The following FCHSD2 variants were observed in gnomAD, a reference collection of about 807,000 sequenced individuals.
FCHSD2 encodes the protein FCH and double SH3 domains 2.
In FCHSD2, 38 loss-of-function variants were observed where a neutral mutation model predicts 108.1. That is an observed-to-expected ratio of 0.35 (90% CI 0.27 to 0.46). The LOEUF (loss-of-function observed/expected upper bound fraction) is 0.46, where lower values mean the gene tolerates loss of function less well. Ranked by LOEUF, FCHSD2 falls within the 20% of genes least tolerant of loss-of-function variation. The pLI is 1.00. For synonymous variants in FCHSD2, 279 were observed against 314.7 expected (o/e 0.89, Z 1.20); for missense variants, 751 against 897.8 (o/e 0.84, Z 2.09).
intron 2 of FCHSD2, among the ~76,000 whole-genome samples, chr11:73,128,124 A>G (rs1860903405): frequency 6.6e-6 from 1 of 152,156 alleles, no homozygotes. Flanking sequence ...GGAGAATCCT[A>G]AGAGGCCAAA....
intron 3 of FCHSD2, among the ~76,000 whole-genome samples, chr11:73,072,311 A>G (rs1447809848): frequency 6.6e-6 from 1 of 152,094 alleles, no homozygotes; most frequent in Non-Finnish European, 1.5e-5. Context: ...CCGAATAGCC[A>G]TGAAAAAGTG....
chr11:72,898,822 C>T lies in FCHSD2; in HGVS notation c.924+3721G>A, dbSNP rs118185214. Among the ~76,000 whole-genome samples the T allele has an allele frequency of 6.8e-3, 1,037 of 151,928 alleles. 5 individuals are homozygous for T. The highest frequency in any genetic ancestry group is 0.014 in the South Asian group (66 of 4,812). On this transcript the variant is annotated intron_variant, in intron 10 of 19. Transcript: ENST00000409418. ...ACGGCTCATTGCAACCTCCACCTCCCGGGCTCAAGTGATCCTCCCACTTCA... is the reference window on the plus strand; with the variant it reads ...ACGGCTCATTGCAACCTCCACCTCCTGGGCTCAAGTGATCCTCCCACTTCA...
At chr11:72,943,551 A>G (rs981598323) in intron 8 of FCHSD2, among the ~76,000 whole-genome samples, 13 of 152,214 alleles carry the variant, frequency 8.5e-5, no homozygotes, top group African/African-American at 3.1e-4. Flanking sequence ...AGGGAAGGAA[A>G]TTGAAGAGAA....
rs534872513 is a variant in FCHSD2, at chr11:73,020,315, T to C, written c.166-4430A>G. Among the ~76,000 whole-genome samples the C allele has an allele frequency of 3.5e-4, 53 of 152,334 alleles. 1 individual carries two copies. The South Asian group carries it at 6.8e-3, about 20-fold the overall frequency. ...GCAAGCTGAGTAGAAGGGTGCTCTA[T>C]GGCTCTAGCACAGGTAATTCTGTAT... On this transcript the variant is annotated intron_variant, in intron 3 of 19. Coordinates refer to ENST00000409418, the MANE Select transcript of FCHSD2 (RefSeq NM_014824.3).
chr11:72,902,757 G>A (rs774972821), intron 9 of FCHSD2, 119 bp from the exon 10 acceptor site: 13 of 583,418 alleles, frequency 2.2e-5, no homozygotes, highest in Non-Finnish European at 3.2e-5. Flanking sequence ...CCAACACTGT[G>A]GTAAAAAAGA....
intron 3 of FCHSD2, among the ~76,000 whole-genome samples, chr11:73,074,687 T>C (rs1002451359): frequency 6.6e-6 from 1 of 152,160 alleles, no homozygotes; most frequent in Non-Finnish European, 1.5e-5. Context: ...CATTTCCACA[T>C]GAGATTACAG....
At chr11:73,005,907 T>C (rs1857730171) in intron 4 of FCHSD2, among the ~76,000 whole-genome samples, 3 of 150,958 alleles carry the variant, frequency 2.0e-5, no homozygotes, top group South Asian at 4.2e-4. Flanking sequence ...CTAAACTTTT[T>C]TTTTTTTTTT....
intron 8 of FCHSD2, among the ~76,000 whole-genome samples, chr11:72,973,226 G>A (rs1857039845): frequency 2.6e-5 from 4 of 152,092 alleles, no homozygotes; most frequent in African/African-American, 9.7e-5. Flanking sequence ...AATTAGCTGG[G>A]TGTGGTGGCA....
chr11:73,008,843 A>G (rs1857798748), intron 4 of FCHSD2, among the ~76,000 whole-genome samples: 1 of 152,184 alleles, frequency 6.6e-6, no homozygotes, highest in African/African-American at 2.4e-5. Flanking sequence ...ATATGAAGAG[A>G]TCTACAAAGA....
chr11:73,050,045 A>T (rs1317929220), intron 3 of FCHSD2, among the ~76,000 whole-genome samples: 1 of 152,228 alleles, frequency 6.6e-6, no homozygotes, highest in Non-Finnish European at 1.5e-5. Flanking sequence ...CTCTCTATAT[A>T]AGAAGTCAGT....
At chr11:73,009,535 T>C (rs959519096) in intron 4 of FCHSD2, among the ~76,000 whole-genome samples, 1 of 152,226 alleles carries the variant, frequency 6.6e-6, no homozygotes, top group Non-Finnish European at 1.5e-5. Flanking sequence ...AATATATTTA[T>C]ACAGTTTATG....
intron 9 of FCHSD2, among the ~76,000 whole-genome samples, chr11:72,909,993 G>A (rs1466848804): frequency 6.9e-6 from 1 of 145,578 alleles, no homozygotes; most frequent in Non-Finnish European, 1.5e-5. Context: ...CCTCTGCCCG[G>A]CCGCCCCATC....
chr11:72,908,602 C>T (rs182234585), intron 9 of FCHSD2, among the ~76,000 whole-genome samples: 243 of 152,266 alleles, frequency 1.6e-3, no homozygotes, highest in African/African-American at 5.6e-3. Flanking sequence ...TAATATCTTA[C>T]TGTAGTTTTG....
chr11:72,862,335 T>C (rs1296099148), intron 13 of FCHSD2, among the ~76,000 whole-genome samples: 3 of 152,214 alleles, frequency 2.0e-5, no homozygotes, highest in Non-Finnish European at 2.9e-5. Context: ...CACGGTTATA[T>C]AGAAAATCCT....
At chr11:73,028,661 G>C (rs1858285944) in intron 3 of FCHSD2, among the ~76,000 whole-genome samples, 1 of 152,126 alleles carries the variant, frequency 6.6e-6, no homozygotes, top group Non-Finnish European at 1.5e-5. Flanking sequence ...GGGGTGGAAT[G>C]ATATGGTTTG....
At chr11:72,946,297 CA>C (rs1856517869) in intron 8 of FCHSD2, among the ~76,000 whole-genome samples, 1 of 147,038 alleles carries the variant, frequency 6.8e-6, no homozygotes, top group South Asian at 2.1e-4. Flanking sequence ...ATCGCAAGGA[CA>C]AAAAACCAAA....
intron 3 of FCHSD2, among the ~76,000 whole-genome samples, chr11:73,079,164 C>CA (rs1859625022): frequency 6.6e-6 from 1 of 151,882 alleles, no homozygotes; most frequent in Non-Finnish European, 1.5e-5. Context: ...CCCAAAATTT[C>CA]AAGTCTACAC....
intron 3 of FCHSD2, among the ~76,000 whole-genome samples, chr11:73,028,937 G>A (rs563813641): frequency 6.6e-6 from 1 of 152,240 alleles, no homozygotes; most frequent in Non-Finnish European, 1.5e-5. Flanking sequence ...ACGTGAAACT[G>A]TGAGTCCATG....
chr11:73,136,134 T>C, intron 2 of FCHSD2, among the ~76,000 whole-genome samples: 1 of 147,170 alleles, frequency 6.8e-6, no homozygotes, highest in South Asian at 2.1e-4. Context: ...CATTCCAGCC[T>C]GGGCAACAGA....
Sources: allele counts gnomAD v4.1 joint callset (sites outside exome capture counted in the v4.1 genomes callset), GRCh38; gene constraint gnomAD v4.1.1; transcripts MANE v1.5; gene names NCBI Gene and HGNC (gene_info 2026-07-23, HGNC 2026-07-21).